Variants in NPEPPS observed in about 807,000 individuals in gnomAD.
NPEPPS encodes puromycin-sensitive aminopeptidase.
A neutral mutation model predicts 115.5 loss-of-function variants in NPEPPS; 14 were observed. That is an observed-to-expected ratio of 0.12 (90% CI 0.08 to 0.19). NPEPPS has a LOEUF of 0.19. NPEPPS is among the 10% of genes least tolerant of loss of function. The pLI, the probability that NPEPPS is intolerant of heterozygous loss-of-function variation, is 1.00. For missense variants in NPEPPS, 523 were observed against 1,110.8 expected (o/e 0.47, Z 7.52); for synonymous variants, 285 against 390.6 (o/e 0.73, Z 3.19).
At chr17:47,578,976 T>C (rs1281392012) in intron 3 of NPEPPS, among the ~76,000 whole-genome samples, 7 of 152,224 alleles carry the variant, frequency 4.6e-5, no homozygotes, top group Non-Finnish European at 8.8e-5. Flanking sequence ...GTTATTTAGC[T>C]TCTCAGCCTC....
At chr17:47,546,975 A>G (rs1018750215) in intron 2 of NPEPPS, among the ~76,000 whole-genome samples, 3 of 152,206 alleles carry the variant, frequency 2.0e-5, no homozygotes, top group African/African-American at 7.2e-5. Context: ...TTTGAACATG[A>G]AAGGCTCCTC....
intron 1 of NPEPPS, among the ~76,000 whole-genome samples, chr17:47,541,484 C>T (rs1430947193): frequency 6.6e-6 from 1 of 151,842 alleles, no homozygotes; most frequent in African/African-American, 2.4e-5. Flanking sequence ...TCAAGCGATT[C>T]TCCTGCCTCA....
chr17:47,619,714 T>G lies in NPEPPS; in HGVS notation c.2560-23T>G, dbSNP rs530817063. ...TTCTCAGCCTCTTGGTTTCACTTAC[T>G]GTTTAAAACCATTGTTTTGCAGCTA... is the stretch of plus-strand genomic sequence containing the variant. On this transcript the variant is annotated intron_variant, in intron 21 of 22. Transcript: ENST00000322157. The G allele has an allele frequency of 1.6e-5, 25 of 1,608,710 alleles. No individual in the cohort carries two copies. The South Asian group carries it at 2.4e-4, about 16-fold the overall frequency.
At chr17:47,617,876 AT>A (rs67114322) in intron 19 of NPEPPS, among the ~76,000 whole-genome samples, 68,974 of 150,342 alleles carry the variant, frequency 0.46, 16,563 homozygotes, top group South Asian at 0.56. Flanking sequence ...CCAAAGCATC[AT>A]TTTTTTTTTC....
intron 3 of NPEPPS, among the ~76,000 whole-genome samples, chr17:47,573,252 G>A (rs1212901462): frequency 1.3e-5 from 2 of 152,136 alleles, no homozygotes; most frequent in Non-Finnish European, 2.9e-5. Context: ...TTCCTGTCTG[G>A]GGTAGGGGGC....
At chr17:47,545,804 C>T (rs1480340313) in intron 1 of NPEPPS, 105 bp from the exon 2 acceptor site, 1 of 1,477,762 alleles carries the variant, frequency 6.8e-7, no homozygotes, top group Non-Finnish European at 9.1e-7. Context: ...TGCTTGGCCT[C>T]CCAAAGTGCT....
At chr17:47,533,478 G>A (rs1249530331) in intron 1 of NPEPPS, among the ~76,000 whole-genome samples, 2 of 151,822 alleles carry the variant, frequency 1.3e-5, no homozygotes, top group South Asian at 2.1e-4. Flanking sequence ...AGTGATGAAT[G>A]AGTTCGCATT....
At chr17:47,599,782 A>G (rs775235666) in intron 14 of NPEPPS, 43 bp downstream of exon 14, 1 of 1,400,364 alleles carries the variant, frequency 7.1e-7, no homozygotes. Flanking sequence ...ATGAATTTGG[A>G]TATTAACTAA....
chr17:47,580,050 A>G (rs1027686734), intron 4 of NPEPPS: 4 of 152,042 alleles, frequency 2.6e-5, no homozygotes, highest in Non-Finnish European at 5.9e-5. Flanking sequence ...TTTGCAAATT[A>G]TATAAATTGT....
At chr17:47,597,512 A>G (rs1912951438) in intron 13 of NPEPPS, among the ~76,000 whole-genome samples, 1 of 152,122 alleles carries the variant, frequency 6.6e-6, no homozygotes, top group African/African-American at 2.4e-5. Flanking sequence ...CACAAAGCTA[A>G]GTATTTTTTT....
chr17:47,570,175 G>A (rs776287592), intron 3 of NPEPPS, among the ~76,000 whole-genome samples: 16 of 152,064 alleles, frequency 1.1e-4, no homozygotes, highest in Non-Finnish European at 1.8e-4. Flanking sequence ...CAATCCTAGC[G>A]CTTTGGGAGG....
chr17:47,622,652 T>C lies in NPEPPS; in HGVS notation c.*732T>C, dbSNP rs1914655826. On this transcript the variant is annotated 3_prime_UTR_variant, in exon 23 of 23. Transcript: ENST00000322157. Reference sequence around the variant, plus strand: ...CATTCCCTGGTGTCCTTCTTAGAGATGAAGAAATAATAAGGAAACATCTTT... The same window carrying C: ...CATTCCCTGGTGTCCTTCTTAGAGACGAAGAAATAATAAGGAAACATCTTT... 3.1e-6 allele frequency: 1 copy of C among 317,858 alleles called. No individual in the cohort carries two copies. The highest frequency in any genetic ancestry group is 5.9e-6 in the Non-Finnish European group (1 of 169,708). 19.7% of individuals were successfully genotyped at this position (317,858 alleles called of 1,614,324 possible).
At chr17:47,536,388 CTTTTTTTTT>C (rs749380530) in intron 1 of NPEPPS, among the ~76,000 whole-genome samples, 2 of 69,942 alleles carry the variant, frequency 2.9e-5, no homozygotes, top group Non-Finnish European at 5.9e-5. Context: ...TATTTTCTCT[CTTTTTTTTT>C]TTTTTTTTTT....
In NPEPPS at chr17:47,612,443, T is replaced by C. The variant is rs1913932263; in HGVS notation, c.2096-17T>C. ...GCTTTTTAAGTAGTCTTATGTCTCT[T>C]TTACTTCTCAAATCAGGTCATCTCG... On this transcript the variant is annotated splice_polypyrimidine_tract_variant and intron_variant, in intron 17 of 22. Coordinates refer to ENST00000322157, the MANE Select transcript of NPEPPS (RefSeq NM_006310.4). 1.2e-6 allele frequency: 2 copies of C among 1,613,032 alleles called. No individual in the cohort carries two copies. Among genetic ancestry groups the C allele is most frequent in the South Asian group, 2.2e-5 (2 of 90,964 alleles).
intron 12 of NPEPPS, among the ~76,000 whole-genome samples, chr17:47,593,448 A>G (rs1294139713): frequency 6.6e-6 from 1 of 152,128 alleles, no homozygotes; most frequent in African/African-American, 2.4e-5. Context: ...AGTCCCAGCT[A>G]CTCAGGAGGC....
chr17:47,552,150 G>A (rs940096052), intron 2 of NPEPPS, among the ~76,000 whole-genome samples: 1 of 151,044 alleles, frequency 6.6e-6, no homozygotes, highest in African/African-American at 2.4e-5. Context: ...AATTTTTGTA[G>A]AGATGGGGTT....
At chr17:47,600,187 A>G (rs1913106787) in intron 14 of NPEPPS, among the ~76,000 whole-genome samples, 1 of 152,188 alleles carries the variant, frequency 6.6e-6, no homozygotes, top group African/African-American at 2.4e-5. Flanking sequence ...TAGTCTCAGT[A>G]CATTGGGAGG....
chr17:47,558,646 C>T (rs1910222315), intron 2 of NPEPPS, among the ~76,000 whole-genome samples: 1 of 152,218 alleles, frequency 6.6e-6, no homozygotes, highest in Non-Finnish European at 1.5e-5. Context: ...CCAGGCTGGT[C>T]TTGAACTCCT....
intron 1 of NPEPPS, among the ~76,000 whole-genome samples, chr17:47,538,043 A>G (rs979716674): frequency 5.4e-5 from 8 of 149,146 alleles, no homozygotes; most frequent in Non-Finnish European, 1.0e-4. Flanking sequence ...ACAGGCATGC[A>G]CCACCACGCC....
Sources: gnomAD v4.1 joint callset for allele counts (sites outside exome capture counted in the v4.1 genomes callset) on GRCh38, gnomAD v4.1.1 for gene constraint, MANE v1.5 for transcripts, NCBI Gene and HGNC (gene_info 2026-07-23, HGNC 2026-07-21) for gene names.